CPNE4: variants seen among roughly 807,000 people sequenced by gnomAD.
CPNE4 encodes the protein copine-4.
A neutral mutation model predicts 67.9 loss-of-function variants in CPNE4; 25 were observed. The observed-to-expected ratio is 0.37, with a 90% confidence interval of 0.27 to 0.51. The LOEUF (loss-of-function observed/expected upper bound fraction) is 0.51. CPNE4 is among the 20% of genes least tolerant of loss of function. The pLI is 0.93. For synonymous variants in CPNE4, 242 were observed against 244.9 expected (o/e 0.99, Z 0.11); for missense variants, 464 against 690.8 (o/e 0.67, Z 3.68).
At chr3:131,831,128 T>C (rs550227692) in intron 2 of CPNE4, among the ~76,000 whole-genome samples, 38 of 152,166 alleles carry the variant, frequency 2.5e-4, no homozygotes, top group South Asian at 1.2e-3. Flanking sequence ...CTAAAAATCC[T>C]TCAAAATGGA....
chr3:131,703,315 C>T (rs932085144), intron 3 of CPNE4, among the ~76,000 whole-genome samples: 1 of 152,164 alleles, frequency 6.6e-6, no homozygotes, highest in Non-Finnish European at 1.5e-5. Context: ...TCAGAAGTTC[C>T]TTAATTTGAT....
intron 1 of CPNE4, among the ~76,000 whole-genome samples, chr3:131,966,697 C>A (rs2072359050): frequency 1.3e-5 from 2 of 152,026 alleles, no homozygotes; most frequent in Non-Finnish European, 2.9e-5. Context: ...CAGAATAGAC[C>A]AATAATGAGT....
chr3:131,976,157 A>G (rs1367520004), intron 1 of CPNE4, among the ~76,000 whole-genome samples: 4 of 149,948 alleles, frequency 2.7e-5, no homozygotes, highest in Non-Finnish European at 4.4e-5. Flanking sequence ...ATTCTACCTT[A>G]AAGTGTTTCT....
chr3:131,843,243 G>A (rs376651192), intron 2 of CPNE4, among the ~76,000 whole-genome samples: 1 of 152,250 alleles, frequency 6.6e-6, no homozygotes, highest in Non-Finnish European at 1.5e-5. Flanking sequence ...GGGAGGGGAA[G>A]AGGAGGCAGT....
intron 1 of CPNE4, among the ~76,000 whole-genome samples, chr3:131,976,323 T>C (rs2072652513): frequency 6.6e-6 from 1 of 152,084 alleles, no homozygotes; most frequent in Non-Finnish European, 1.5e-5. Context: ...GTTTGCTTCA[T>C]ATAAAAACAA....
Position 131,991,687 on chromosome 3 carries a change from C to T in CPNE4, c.-2+42880G>A, listed in dbSNP as rs1274236382. Among the ~76,000 whole-genome samples the T allele has an allele frequency of 1.5e-5, 2 of 135,684 alleles. 1 individual carries two copies. Among genetic ancestry groups the T allele is most frequent in the East Asian group, 4.8e-4 (2 of 4,198 alleles). 89.0% of individuals were successfully genotyped at this position (135,684 alleles called of 152,430 possible). A position where few individuals can be genotyped will look rare whatever the true frequency, so the allele number is the denominator to read the frequency against. ...CTGGAGAAATTTGAGTAAGTAATCA[C>T]CAAGAAAATGGGGAAAATGTCTCCA... On this transcript the variant is annotated intron_variant, in intron 1 of 15. Transcript: ENST00000429747.
chr3:131,811,538 T>TTCA (rs769437179), intron 2 of CPNE4, among the ~76,000 whole-genome samples: 58 of 152,144 alleles, frequency 3.8e-4, no homozygotes, highest in Non-Finnish European at 6.5e-4. Context: ...AAGCCTCTAC[T>TTCA]ATGTATTCAA....
intron 1 of CPNE4, among the ~76,000 whole-genome samples, chr3:131,911,604 G>C (rs1482117859): frequency 1.4e-5 from 2 of 147,654 alleles, no homozygotes; most frequent in Non-Finnish European, 3.0e-5. Flanking sequence ...TTTAGATCAG[G>C]GACTACTTCT....
chr3:131,900,250 A>G (rs1056811246), intron 2 of CPNE4, among the ~76,000 whole-genome samples: 67 of 131,126 alleles, frequency 5.1e-4, no homozygotes, highest in Middle Eastern at 3.4e-3. Flanking sequence ...GGTGCTCAAC[A>G]TCACTGATCA....
chr3:131,795,055 A>G (rs753496419), intron 2 of CPNE4, among the ~76,000 whole-genome samples: 89 of 152,218 alleles, frequency 5.8e-4, no homozygotes, highest in Non-Finnish European at 1.6e-4. Flanking sequence ...TATTTTGCAG[A>G]TGAAAACTCC....
At chr3:131,673,049 C>G (rs1261642859) in intron 6 of CPNE4, among the ~76,000 whole-genome samples, 1 of 152,038 alleles carries the variant, frequency 6.6e-6, no homozygotes, top group East Asian at 1.9e-4. Context: ...TTTCATTCTT[C>G]CACATATTGA....
intron 1 of CPNE4, among the ~76,000 whole-genome samples, chr3:131,951,004 G>A (rs1461271029): frequency 6.6e-6 from 1 of 152,076 alleles, no homozygotes; most frequent in Admixed American, 6.6e-5. Context: ...TTGTTGACTG[G>A]TTTGTCTTGG....
rs189051703 is a variant in CPNE4 at position 131,551,996 on chromosome 3, T to C, written c.1168+444A>G. On this transcript the variant is annotated intron_variant, in intron 13 of 15. Coordinates refer to ENST00000429747, the MANE Select transcript of CPNE4 (RefSeq NM_130808.3). ...TCGCTGAGGCCATGTCCTTGGCCGA[T>C]ATGCCGAAAGTGGGAAATGATTTCC... Among the ~76,000 whole-genome samples, 709 of 149,668 alleles carry C rather than the reference T, an allele frequency of 4.7e-3. 10 individuals carry two copies. The highest frequency in any genetic ancestry group is 0.016 in the African/African-American group (671 of 40,672).
At chr3:131,850,496 G>A (rs1256071865) in intron 2 of CPNE4, among the ~76,000 whole-genome samples, 1 of 152,124 alleles carries the variant, frequency 6.6e-6, no homozygotes, top group Non-Finnish European at 1.5e-5. Context: ...GGTGCCTGAT[G>A]TATGCCAGTA....
intron 2 of CPNE4, among the ~76,000 whole-genome samples, chr3:131,793,423 T>C (rs773465566): frequency 3.3e-5 from 5 of 152,160 alleles, no homozygotes. Flanking sequence ...CTTTAGTCTG[T>C]GATTAGAATT....
intron 1 of CPNE4, among the ~76,000 whole-genome samples, chr3:131,937,425 T>C (rs990218236): frequency 6.6e-6 from 1 of 152,196 alleles, no homozygotes; most frequent in Non-Finnish European, 1.5e-5. Flanking sequence ...ACAGCCAAAC[T>C]GTCCTTTAGT....
At position 132,020,026 on chromosome 3, in the gene CPNE4, T is replaced by C. The variant is rs544263057; in HGVS notation, c.-2+14541A>G. Among the ~76,000 whole-genome samples the C allele has an allele frequency of 2.0e-5, 3 of 152,262 alleles. No individual in the cohort carries two copies. In the South Asian group the frequency reaches 6.2e-4, roughly 32 times the overall value. On this transcript the variant is annotated intron_variant, in intron 1 of 15. Transcript: ENST00000429747. ...CCGATTCCAAATTGGAACTTAAAGG[T>C]ACAAGAGTCAGAACGCGGCACAAAT...
intron 2 of CPNE4, among the ~76,000 whole-genome samples, chr3:131,880,808 A>G (rs4854849): frequency 0.63 from 96,391 of 152,108 alleles, 30,772 homozygotes; most frequent in Admixed American, 0.72. Flanking sequence ...ACCATTCTTT[A>G]GATAAGAGAG....
At chr3:131,685,511 C>T (rs777346994) in intron 6 of CPNE4, among the ~76,000 whole-genome samples, 4 of 151,996 alleles carry the variant, frequency 2.6e-5, no homozygotes, top group African/African-American at 9.7e-5. Flanking sequence ...AGGCTGGGCG[C>T]GGTGGCTCAC....
Sources: gnomAD v4.1 joint callset for allele counts (sites outside exome capture counted in the v4.1 genomes callset) on GRCh38, gnomAD v4.1.1 for gene constraint, MANE v1.5 for transcripts, NCBI Gene and HGNC (gene_info 2026-07-23, HGNC 2026-07-21) for gene names.